Variants in LHX2 observed in about 807,000 individuals in gnomAD.
LHX2 encodes the protein LIM homeobox 2.
In LHX2, 6 loss-of-function variants were observed where a neutral mutation model predicts 33.0. That is an observed-to-expected ratio of 0.18 (90% CI 0.10 to 0.36). LHX2 has a LOEUF of 0.36. LHX2 is among the 10% of genes least tolerant of loss of function. The pLI is 1.00. For missense variants in LHX2, 442 were observed against 586.2 expected (o/e 0.75, Z 2.54); for synonymous variants, 292 against 253.1 (o/e 1.15, Z -1.46).
intron 4 of LHX2, among the ~76,000 whole-genome samples, chr9:124,023,489 G>T (rs1828553800): frequency 1.3e-5 from 2 of 152,162 alleles, no homozygotes; most frequent in South Asian, 4.1e-4. Context: ...GAAGACCTGG[G>T]CTGGGTTCAC....
At position 124,014,179 on chromosome 9, in the gene LHX2, A is replaced by G. The variant is rs1333811886; in HGVS notation, c.323+16A>G. The G allele has an allele frequency of 3.6e-6, 5 of 1,372,236 alleles. No individual in the cohort carries two copies. The highest frequency in any genetic ancestry group is 6.9e-5 in the East Asian group (2 of 29,192). The allele number at this position is 1,372,236 out of a possible 1,614,324, so 85.0% of individuals were successfully genotyped here. A position where few individuals can be genotyped will look rare whatever the true frequency, so the allele number is the denominator to read the frequency against. ...ACTACTACAGGTAGCCCCCCCACCC[A>G]ACTGCCCCTCAGGACCCCTCCCCCC... On this transcript the variant is annotated intron_variant, in intron 2 of 4. Coordinates refer to ENST00000373615, the MANE Select transcript of LHX2 (RefSeq NM_004789.4). The surrounding 1 kb of genome is among the most constrained non-coding windows in gnomAD (Gnocchi z 4.8).
rs769645583 is a variant in LHX2 at position 124,014,314 on chromosome 9, C to T, written c.323+151C>T. 3.3e-6 allele frequency: 2 copies of T among 612,538 alleles called. No individual in the cohort carries two copies. Among genetic ancestry groups the T allele is most frequent in the Non-Finnish European group, 3.0e-6 (1 of 328,068 alleles). 37.9% of individuals were successfully genotyped at this position (612,538 alleles called of 1,614,324 possible). ...CCCCCCCAAGTTCTCCAAGCCACCA[C>T]AAGTTGGGTGATAACCTTTTAAAGC... On this transcript the variant is annotated intron_variant, in intron 2 of 4. Transcript: ENST00000373615. The surrounding 1 kb of genome is among the most constrained non-coding windows in gnomAD (Gnocchi z 4.8).
At chr9:124,023,283 T>C (rs1305442514) in intron 4 of LHX2, among the ~76,000 whole-genome samples, 2 of 152,162 alleles carry the variant, frequency 1.3e-5, no homozygotes, top group Non-Finnish European at 2.9e-5. Context: ...ACACATAAAA[T>C]ACACTAACAC....
intron 4 of LHX2, among the ~76,000 whole-genome samples, chr9:124,031,124 T>C (rs1369580493): frequency 6.6e-6 from 1 of 152,192 alleles, no homozygotes; most frequent in East Asian, 1.9e-4. Flanking sequence ...CGATACGGGA[T>C]GCAGCAGGTC....
At position 124,032,101 on chromosome 9, in the gene LHX2, G is replaced by C; in HGVS notation, c.934-319G>C. 1 of 277,328 alleles carries C rather than the reference G, an allele frequency of 3.6e-6. No individual in the cohort carries two copies. Among genetic ancestry groups the C allele is most frequent in the Non-Finnish European group, 6.7e-6 (1 of 150,090 alleles). The allele number at this position is 277,328 out of a possible 1,614,324, so 17.2% of individuals were successfully genotyped here. ...AATAACTTAAAAAGTTAGCGGGGCC[G>C]GTGGTGCTCACCTATCTATAGCCCC... On this transcript the variant is annotated intron_variant, in intron 4 of 4. Coordinates refer to ENST00000373615, the MANE Select transcript of LHX2 (RefSeq NM_004789.4). This position sits in a 1 kb window ranked among gnomAD's most constrained non-coding sequence, Gnocchi z 4.1.
intron 3 of LHX2, among the ~76,000 whole-genome samples, chr9:124,019,594 C>A (rs1859256191): frequency 6.6e-6 from 1 of 152,100 alleles, no homozygotes; most frequent in South Asian, 2.1e-4. Flanking sequence ...TTCAGGTAAA[C>A]AACAAATACA....
intron 3 of LHX2, among the ~76,000 whole-genome samples, chr9:124,020,240 C>T (rs1859268726): frequency 6.6e-6 from 1 of 152,148 alleles, no homozygotes; most frequent in African/African-American, 2.4e-5. Flanking sequence ...AAGCCAAACA[C>T]ACACCATAGG....
rs1315532421 is a variant in LHX2 at position 124,015,585 on chromosome 9, G to T, written c.727+60G>T. The stretch of plus-strand genomic sequence containing the variant: ...TTGGGGGAAAGTGTGCGGCCTCGAC[G>T]GCCGGGAGCTGGATTGAATCTCTGT... On this transcript the variant is annotated intron_variant, in intron 3 of 4. Transcript: ENST00000373615. The surrounding 1 kb of genome is among the most constrained non-coding windows in gnomAD (Gnocchi z 7.9). 22 of 1,429,570 alleles carry T rather than the reference G, an allele frequency of 1.5e-5. No homozygotes were observed. In the East Asian group the frequency reaches 5.0e-4, roughly 33 times the overall value. The allele number at this position is 1,429,570 out of a possible 1,614,324, so 88.6% of individuals were successfully genotyped here.
In LHX2 at chr9:124,032,622, C is replaced by T. The variant is rs752421293; in HGVS notation, c.1136C>T (p.Thr379Met). 3 of 1,614,190 alleles carry T rather than the reference C, an allele frequency of 1.9e-6. No individual in the cohort carries two copies. Among genetic ancestry groups the T allele is most frequent in the Non-Finnish European group, 1.7e-6 (2 of 1,180,032 alleles). Residue 379 changes from threonine to methionine, a missense_variant, in exon 5 of 5, where the codon ACG becomes ATG. Transcript: ENST00000373615. The surrounding 1 kb of genome is among the most constrained non-coding windows in gnomAD (Gnocchi z 4.1). ...DLTSPTLPTV[T>M]SVLTSVPGNL... ...ACTAGCCCCACCCTGCCAACTGTGACGTCCGTCTTAACTTCTGTGCCTGGC... is the reference window on the plus strand; with the variant it reads ...ACTAGCCCCACCCTGCCAACTGTGATGTCCGTCTTAACTTCTGTGCCTGGC...
chr9:124,018,000 C>T (rs947168114), intron 3 of LHX2, among the ~76,000 whole-genome samples: 1 of 151,856 alleles, frequency 6.6e-6, no homozygotes, highest in African/African-American at 2.4e-5. Flanking sequence ...CGCGGGAGTC[C>T]CGCGCGGACC....
At chr9:124,027,581 G>C (rs538161247) in intron 4 of LHX2, among the ~76,000 whole-genome samples, 1 of 152,256 alleles carries the variant, frequency 6.6e-6, no homozygotes, top group East Asian at 1.9e-4. Flanking sequence ...CACTTTGGGA[G>C]GCCGAGGTGG....
At chr9:124,018,522 C>T (rs1292057342) in intron 3 of LHX2, among the ~76,000 whole-genome samples, 1 of 152,152 alleles carries the variant, frequency 6.6e-6, no homozygotes, top group African/African-American at 2.4e-5. Context: ...CTCCACTCCC[C>T]TTCTTTCCCC....
chr9:124,026,230 G>A (rs1483114156), intron 4 of LHX2, among the ~76,000 whole-genome samples: 2 of 151,966 alleles, frequency 1.3e-5, no homozygotes, highest in African/African-American at 2.4e-5. Flanking sequence ...AGGCGGAGGC[G>A]GGTGGATCAC....
At position 124,014,279 on chromosome 9, in the gene LHX2, T is replaced by G; in HGVS notation, c.323+116T>G. The G allele has an allele frequency of 1.6e-6, 1 of 617,386 alleles. No individual in the cohort carries two copies. The highest frequency in any genetic ancestry group is 2.9e-5 in the East Asian group (1 of 34,380). The allele number at this position is 617,386 out of a possible 1,614,324, so 38.2% of individuals were successfully genotyped here. On this transcript the variant is annotated intron_variant, in intron 2 of 4. Transcript: ENST00000373615. This position sits in a 1 kb window ranked among gnomAD's most constrained non-coding sequence, Gnocchi z 4.8. ...CAGGAGAGGGTTCACTACTCAGGAC[T>G]CCCCCGCTCCCCCCCCAAGTTCTCC...
rs1402712206 is a variant in LHX2 at position 124,012,021 on chromosome 9, G to T, written c.-328G>T. On this transcript the variant is annotated 5_prime_UTR_variant, in exon 1 of 5. Transcript: ENST00000373615. This position sits in a 1 kb window ranked among gnomAD's most constrained non-coding sequence, Gnocchi z 4.3. ...AAGCCGGGCGGGCGATGCCCGCGGC[G>T]TGAAAGCGCCCGCGGCGGGCGCCGA... is the stretch of plus-strand genomic sequence containing the variant. 6.5e-6 allele frequency: 1 copy of T among 153,702 alleles called. No homozygotes were observed. The allele number at this position is 153,702 out of a possible 1,614,324, so 9.5% of individuals were successfully genotyped here.
chr9:124,015,668 C>T lies in LHX2; in HGVS notation c.727+143C>T. 1.1e-6 allele frequency: 1 copy of T among 914,128 alleles called. No homozygotes were observed. The highest frequency in any genetic ancestry group is 2.0e-5 in the South Asian group (1 of 50,206). 56.6% of individuals were successfully genotyped at this position (914,128 alleles called of 1,614,324 possible). ...ACGGCCTCGCAGAAGGGACATTAGC[C>T]CCCTGGGCTTCCAGACTGTGCGTCC... On this transcript the variant is annotated intron_variant, in intron 3 of 4. Coordinates refer to ENST00000373615, the MANE Select transcript of LHX2 (RefSeq NM_004789.4). The surrounding 1 kb of genome is among the most constrained non-coding windows in gnomAD (Gnocchi z 7.9).
At chr9:124,030,658 G>A (rs1165209333) in intron 4 of LHX2, among the ~76,000 whole-genome samples, 3 of 135,032 alleles carry the variant, frequency 2.2e-5, no homozygotes, top group African/African-American at 8.6e-5. Context: ...TTGAGATGGA[G>A]TCTTGCTCTG....
Position 124,032,717 on chromosome 9 carries a change from A to G in LHX2, c.*10A>G. On this transcript the variant is annotated 3_prime_UTR_variant, in exon 5 of 5. Coordinates refer to ENST00000373615, the MANE Select transcript of LHX2 (RefSeq NM_004789.4). The surrounding 1 kb of genome is among the most constrained non-coding windows in gnomAD (Gnocchi z 4.1). ...TACCAACCTTTTCTAATGACTCGCAACCCCTCACCCCACAATTTCTTTAAA... is the reference window on the plus strand; with the variant it reads ...TACCAACCTTTTCTAATGACTCGCAGCCCCTCACCCCACAATTTCTTTAAA... The G allele has an allele frequency of 6.5e-7, 1 of 1,542,040 alleles. No homozygotes were observed. Among genetic ancestry groups the G allele is most frequent in the Non-Finnish European group, 8.8e-7 (1 of 1,141,596 alleles).
chr9:124,031,270 A>G (rs1036281388), intron 4 of LHX2, among the ~76,000 whole-genome samples: 4 of 151,890 alleles, frequency 2.6e-5, no homozygotes, highest in African/African-American at 4.8e-5. Context: ...GGCTCCCCCA[A>G]CCGATGATGG....
Sources: allele counts gnomAD v4.1 joint callset (sites outside exome capture counted in the v4.1 genomes callset), GRCh38; gene constraint gnomAD v4.1.1; non-coding constraint Gnocchi (gnomAD v3.1); transcripts MANE v1.5; gene names NCBI Gene and HGNC (gene_info 2026-07-23, HGNC 2026-07-21).